The following ETFDH variants were observed in gnomAD, a reference collection of about 807,000 sequenced individuals.
ETFDH encodes the protein electron transfer flavoprotein-ubiquinone oxidoreductase, mitochondrial.
ETFDH carries 61 observed loss-of-function variants against 73.2 expected under a neutral mutation model. The ratio of observed to expected loss-of-function variants is 0.83; its 90% confidence interval spans 0.68 to 1.03. The LOEUF is 1.03. Among genes scored for constraint, ETFDH ranks in the 50% least tolerant of loss-of-function variants. The pLI is 0.00. For missense variants in ETFDH, 685 were observed against 745.0 expected, an observed-to-expected ratio of 0.92 and a Z score of 0.94; for synonymous variants, 243 against 253.3, an observed-to-expected ratio of 0.96 and a Z score of 0.39.
intron 3 of ETFDH, 86 bp downstream of exon 3, chr4:158,682,510 C>A: frequency 9.7e-7 from 1 of 1,036,242 alleles, no homozygotes; most frequent in Admixed American, 2.1e-5. Flanking sequence ...ATATAGGAAA[C>A]CCTTTTCATG....
chr4:158,672,885 C>T (rs2150300838), intron 1 of ETFDH, among the ~76,000 whole-genome samples: 1 of 152,288 alleles, frequency 6.6e-6, no homozygotes, highest in African/African-American at 2.4e-5. Context: ...CCTGACCTGA[C>T]TTTCGTCTTC....
At chr4:158,703,696 T>C in intron 10 of ETFDH, 105 bp downstream of exon 10, 1 of 738,338 alleles carries the variant, frequency 1.4e-6, no homozygotes, top group South Asian at 1.5e-5. Flanking sequence ...ATAGAAAGTA[T>C]TAATAAGCAT....
chr4:158,672,649 G>A (rs1189626013), intron 1 of ETFDH, among the ~76,000 whole-genome samples, 159 bp downstream of exon 1: 1 of 152,154 alleles, frequency 6.6e-6, no homozygotes, highest in African/African-American at 2.4e-5. Flanking sequence ...GGGGACCCTG[G>A]CTTCCTCCCT....
intron 8 of ETFDH, 80 bp downstream of exon 8, chr4:158,697,779 C>A: frequency 7.8e-7 from 1 of 1,283,534 alleles, no homozygotes; most frequent in Non-Finnish European, 1.1e-6. Flanking sequence ...GGTTTTGAAT[C>A]TGAAGACTGT....
At chr4:158,683,907 A>C (rs1773931227) in intron 3 of ETFDH, among the ~76,000 whole-genome samples, 1 of 152,174 alleles carries the variant, frequency 6.6e-6, no homozygotes, top group South Asian at 2.1e-4. Flanking sequence ...ACAACATGTT[A>C]ATTCTCTTTA....
chr4:158,680,377 C>T (rs1016190950), intron 1 of ETFDH, 90 bp from the exon 2 acceptor site: 8 of 845,158 alleles, frequency 9.5e-6, no homozygotes, highest in East Asian at 2.5e-5. Context: ...TCACTATACT[C>T]ATTGAGTATA....
At chr4:158,674,416 G>A (rs1187926540) in intron 1 of ETFDH, among the ~76,000 whole-genome samples, 4 of 152,010 alleles carry the variant, frequency 2.6e-5, no homozygotes, top group South Asian at 4.2e-4. Flanking sequence ...AGTGATTCTC[G>A]TGCCTGAGCT....
chr4:158,709,318 G>A lies in ETFDH; in HGVS notation c.*791G>A, dbSNP rs530374353. On this transcript the variant is annotated 3_prime_UTR_variant, in exon 13 of 13. Coordinates refer to ENST00000511912, the MANE Select transcript of ETFDH (RefSeq NM_004453.4). The stretch of plus-strand genomic sequence containing the variant: ...CAAGGCGGGGTGGATCACAAGGTCA[G>A]GAGTTCAAGACCAACGTGACGTGAC... The A allele has an allele frequency of 5.0e-4, 77 of 155,104 alleles. No individual in the cohort carries two copies. Among genetic ancestry groups the A allele is most frequent in the Non-Finnish European group, 9.5e-4 (67 of 70,166 alleles). The allele number at this position is 155,104 out of a possible 1,614,324, so 9.6% of individuals were successfully genotyped here. A position where few individuals can be genotyped will look rare whatever the true frequency, so the allele number is the denominator to read the frequency against.
At chr4:158,682,867 T>C (rs562013186) in intron 3 of ETFDH, among the ~76,000 whole-genome samples, 1 of 152,260 alleles carries the variant, frequency 6.6e-6, no homozygotes, top group Admixed American at 6.5e-5. Context: ...TATATACTTT[T>C]TAAATTAAAA....
chr4:158,681,542 T>TG (rs1773860360), intron 2 of ETFDH: 1 of 152,766 alleles, frequency 6.5e-6, no homozygotes, highest in African/African-American at 2.4e-5. Flanking sequence ...GTAATGTCCT[T>TG]GTCCTTCACA....
intron 7 of ETFDH, 86 bp downstream of exon 7, chr4:158,695,729 T>C (rs1774293103): frequency 1.1e-6 from 1 of 882,168 alleles, no homozygotes; most frequent in Admixed American, 2.0e-5. Flanking sequence ...AATACTGATT[T>C]AATTTTAGTT....
rs1235904433 is a variant in ETFDH at position 158,697,585 on chromosome 4, G to A, written c.858G>A (p.Trp286Ter). ...TATGGGTTATTGATGAAAAGAACTG[G>A]AAACCTGGGAGAGTAGATCACACTG... ...KELWVIDEKN[W>*]KPGRVDHTVG... is the part of the protein sequence containing the mutation. Residue 286 changes from tryptophan (W) to a stop codon, truncating the protein, a stop_gained, in exon 8 of 13, where the codon TGG becomes TGA. Coordinates refer to ENST00000511912, the MANE Select transcript of ETFDH (RefSeq NM_004453.4). LOFTEE classifies it high-confidence loss of function. 8.7e-6 allele frequency: 14 copies of A among 1,612,606 alleles called. No homozygotes were observed. The highest frequency in any genetic ancestry group is 1.2e-5 in the Non-Finnish European group (14 of 1,179,324).
chr4:158,683,886 G>A (rs1773930576), intron 3 of ETFDH, among the ~76,000 whole-genome samples: 2 of 152,082 alleles, frequency 1.3e-5, no homozygotes, highest in South Asian at 4.1e-4. Flanking sequence ...ATAGCCAGCA[G>A]GTACAGTGTA....
In ETFDH at chr4:158,695,294, A is replaced by G. The variant is rs146221617; in HGVS notation, c.685-203A>G. On this transcript the variant is annotated intron_variant, in intron 6 of 12. Transcript: ENST00000511912. Reference sequence around the variant, plus strand: ...GATTTGAGCTATACAGTGACTTGAAAAGATTTCCATGAGGTATTTTAAGTG... The same window carrying G: ...GATTTGAGCTATACAGTGACTTGAAGAGATTTCCATGAGGTATTTTAAGTG... Among the ~76,000 whole-genome samples, 798 of 152,290 alleles carry G rather than the reference A, an allele frequency of 5.2e-3. 5 individuals carry two copies. Among genetic ancestry groups the G allele is most frequent in the African/African-American group, 0.018 (756 of 41,572 alleles).
intron 2 of ETFDH, among the ~76,000 whole-genome samples, chr4:158,681,354 G>C (rs1773855036): frequency 6.6e-6 from 1 of 152,144 alleles, no homozygotes; most frequent in Non-Finnish European, 1.5e-5. Context: ...TTGTACAGCT[G>C]TACAATGTGT....
chr4:158,688,880 A>G (rs1294503760), intron 5 of ETFDH, among the ~76,000 whole-genome samples: 1 of 152,220 alleles, frequency 6.6e-6, no homozygotes, highest in Non-Finnish European at 1.5e-5. Context: ...AGGAAAAATA[A>G]AATATCTCGT....
At position 158,690,252 on chromosome 4, in the gene ETFDH, T is replaced by A. The variant is rs191131834; in HGVS notation, c.607-96T>A. On this transcript the variant is annotated intron_variant, in intron 5 of 12. Transcript: ENST00000511912. ...CTGTATTTCTATAATCTAGAGAAGA[T>A]GTTCACCTTCTAAGAAACCTAAGGC... 57 of 750,580 alleles carry A rather than the reference T, an allele frequency of 7.6e-5. No individual in the cohort carries two copies. In the Admixed American group the frequency reaches 1.1e-3, roughly 14 times the overall value. The allele number at this position is 750,580 out of a possible 1,614,324, so 46.5% of individuals were successfully genotyped here.
intron 9 of ETFDH, among the ~76,000 whole-genome samples, chr4:158,699,620 A>G (rs2150312524): frequency 6.6e-6 from 1 of 152,324 alleles, no homozygotes; most frequent in South Asian, 2.1e-4. Context: ...AAATTCATGG[A>G]CATTTTGTTT....
chr4:158,680,618 A>C lies in ETFDH; in HGVS notation c.175+11A>C, dbSNP rs748076363. 1 of 1,603,828 alleles carries C rather than the reference A, an allele frequency of 6.2e-7. No homozygotes were observed. Among genetic ancestry groups the C allele is most frequent in the Non-Finnish European group, 8.5e-7 (1 of 1,170,780 alleles). On this transcript the variant is annotated intron_variant, in intron 2 of 12. Coordinates refer to ENST00000511912, the MANE Select transcript of ETFDH (RefSeq NM_004453.4). Reference sequence around the variant, plus strand: ...ACAAGAGATGGGAAGGTAAGTAATAATTTGTGTACAATTCCTGAGACTTTT... The same window carrying C: ...ACAAGAGATGGGAAGGTAAGTAATACTTTGTGTACAATTCCTGAGACTTTT...
Sources: gnomAD v4.1 joint callset for allele counts (sites outside exome capture counted in the v4.1 genomes callset) on GRCh38, gnomAD v4.1.1 for gene constraint, MANE v1.5 for transcripts, NCBI Gene and HGNC (gene_info 2026-07-23, HGNC 2026-07-21) for gene names.